Variants in BTK observed in about 807,000 individuals in gnomAD.
BTK encodes the protein tyrosine-protein kinase BTK.
BTK carries 5 observed loss-of-function variants against 57.4 expected under a neutral mutation model. The ratio of observed to expected loss-of-function variants is 0.09; its 90% CI spans 0.05 to 0.18. The LOEUF is 0.18. Ranked by LOEUF, BTK falls within the 10% of genes least tolerant of loss-of-function variation. The pLI is 1.00. For synonymous variants in BTK, 154 were observed against 174.3 expected (o/e 0.88, Z 0.92); for missense variants, 194 against 501.2 (o/e 0.39, Z 5.85).
chrX:101,370,737 T>C (rs1926999241), intron 4 of BTK, among the ~76,000 whole-genome samples: 1 of 112,189 alleles, frequency 8.9e-6, no homozygotes. Context: ...ATATATAAGA[T>C]GTGGTTCCAA....
At chrX:101,365,350 T>C (rs1172319259) in intron 5 of BTK, among the ~76,000 whole-genome samples, 2 of 112,045 alleles carry the variant, frequency 1.8e-5, no homozygotes, top group Non-Finnish European at 3.8e-5. Context: ...TGAGGGGAAA[T>C]AAGGCTTCTT....
At chrX:101,389,943 G>A (rs1268470957), upstream of BTK, among the ~76,000 whole-genome samples, 1 of 111,559 alleles carries the variant, frequency 9.0e-6, no homozygotes, top group Non-Finnish European at 1.9e-5. Context: ...CTGGCATATA[G>A]TAAGTGCGCC....
intron 15 of BTK, chrX:101,355,775 A>C: frequency 2.6e-6 from 1 of 383,578 alleles, no homozygotes; most frequent in Non-Finnish European, 4.6e-6. Context: ...CAAATCCAGA[A>C]TGGCCACTGA....
intron 3 of BTK, chrX:101,374,262 A>C: frequency 3.1e-6 from 1 of 323,740 alleles, no homozygotes; most frequent in Non-Finnish European, 5.5e-6. Context: ...AACTGAGGGA[A>C]TAAAATCAAT....
At chrX:101,390,479 T>C (rs5951308), upstream of BTK, 120,218 of 512,948 alleles carry the variant, frequency 0.23, 14,775 homozygotes, top group African/African-American at 0.75. Flanking sequence ...TTACTGTACC[T>C]CTCCCCCGGA....
At chrX:101,367,317 AC>A (rs782515828) in intron 5 of BTK, among the ~76,000 whole-genome samples, 2 of 109,297 alleles carry the variant, frequency 1.8e-5, no homozygotes, top group South Asian at 7.9e-4. Flanking sequence ...GTCATTACTC[AC>A]CCTTAAATAT....
At chrX:101,365,915 G>A (rs1926836722) in intron 5 of BTK, among the ~76,000 whole-genome samples, 1 of 112,316 alleles carries the variant, frequency 8.9e-6, no homozygotes, top group African/African-American at 3.2e-5. Context: ...AAGCCCACAG[G>A]AATACAACCT....
chrX:101,390,686 A>T, upstream of BTK: 1 of 466,413 alleles, frequency 2.1e-6, no homozygotes, highest in Non-Finnish European at 3.8e-6. Flanking sequence ...ATTCGACCCT[A>T]GTCCTGGCTT....
chrX:101,360,903 C>T (rs1926649075), intron 7 of BTK, 148 bp from the exon 8 acceptor site: 1 of 567,116 alleles, frequency 1.8e-6, no homozygotes, highest in African/African-American at 2.3e-5. Context: ...TTTTAAGCAC[C>T]AGTGCAGGAG....
upstream of BTK, among the ~76,000 whole-genome samples, chrX:101,389,493 G>A (rs1055441357): frequency 1.8e-5 from 2 of 111,578 alleles, no homozygotes; most frequent in Non-Finnish European, 3.8e-5. Context: ...GCAGGTAGTG[G>A]TAATATATTT....
chrX:101,359,163 T>C, intron 10 of BTK, 130 bp downstream of exon 10: 1 of 726,288 alleles, frequency 1.4e-6, no homozygotes, highest in Non-Finnish European at 2.2e-6. Flanking sequence ...AAAAAAATGG[T>C]GTAATTGGGA....
chrX:101,351,056 C>T (rs1221085202), intron 18 of BTK, among the ~76,000 whole-genome samples: 1 of 111,761 alleles, frequency 8.9e-6, no homozygotes, highest in African/African-American at 3.3e-5. Flanking sequence ...AGTGCAGTGG[C>T]AGGATCTCGG....
chrX:101,362,683 C>T lies in BTK; in HGVS notation c.398G>A (p.Arg133Gln), dbSNP rs1342391224. ...TTTCTGAACCAGATCACTGTTGTACCGGATTACTGTAGCAGGAAAGAAGAG... is the reference window on the plus strand; with the variant it reads ...TTTCTGAACCAGATCACTGTTGTACTGGATTACTGTAGCAGGAAAGAAGAG... ...RWIHQLKNVI[R>Q]YNSDLVQKYH... Residue 133 changes from arginine to glutamine, a missense_variant, in exon 6 of 19, where the codon CGG (arginine) becomes CAG (glutamine). Around this residue, in one of 3 missense-constraint regions of BTK, gnomAD observed 115 missense variants for 258.3 expected, o/e 0.45. Coordinates refer to ENST00000308731, the MANE Select transcript of BTK (RefSeq NM_000061.3). 3.3e-6 allele frequency: 4 copies of T among 1,210,292 alleles called. No individual in the cohort carries two copies. Among genetic ancestry groups the T allele is most frequent in the African/African-American group, 1.7e-5 (1 of 57,288 alleles).
intron 1 of BTK, among the ~76,000 whole-genome samples, chrX:101,381,035 T>G (rs1464876112): frequency 9.6e-6 from 1 of 104,371 alleles, no homozygotes; most frequent in East Asian, 2.9e-4. Flanking sequence ...AAAAGAAAAT[T>G]TATATATATA....
At chrX:101,389,117 T>A (rs1185565324), upstream of BTK, among the ~76,000 whole-genome samples, 2 of 111,721 alleles carry the variant, frequency 1.8e-5, no homozygotes, top group Non-Finnish European at 3.8e-5. Flanking sequence ...ATTTTAAGTG[T>A]CCTCACCACC....
At chrX:101,366,213 A>T (rs1235509978) in intron 5 of BTK, among the ~76,000 whole-genome samples, 1 of 111,957 alleles carries the variant, frequency 8.9e-6, no homozygotes, top group African/African-American at 3.2e-5. Flanking sequence ...CAGAGTTTGC[A>T]GTGAGCCGAG....
intron 1 of BTK, among the ~76,000 whole-genome samples, chrX:101,379,538 A>G (rs782308247): frequency 1.8e-5 from 2 of 112,315 alleles, no homozygotes; most frequent in African/African-American, 6.5e-5. Context: ...GACTTGTCCA[A>G]CCTCATCCAT....
chrX:101,362,864 G>C, intron 5 of BTK, 175 bp from the exon 6 acceptor site: 1 of 601,371 alleles, frequency 1.7e-6, no homozygotes, highest in Non-Finnish European at 2.7e-6. Flanking sequence ...GCCTGACTGT[G>C]CCCTGGTCCC....
intron 5 of BTK, among the ~76,000 whole-genome samples, chrX:101,366,730 T>G (rs1192846023): frequency 9.7e-6 from 1 of 103,619 alleles, no homozygotes; most frequent in East Asian, 3.1e-4. Context: ...TATACCCAGG[T>G]GGAACTACTG....
Sources: allele counts gnomAD v4.1 joint callset (sites outside exome capture counted in the v4.1 genomes callset), GRCh38; gene constraint gnomAD v4.1.1; regional missense constraint gnomAD v4.1.1; transcripts MANE v1.5; gene names NCBI Gene and HGNC (gene_info 2026-07-23, HGNC 2026-07-21).